The following PTPRG variants were observed in gnomAD, a reference collection of about 807,000 sequenced individuals.
The protein encoded by PTPRG is protein tyrosine phosphatase receptor type G, also known as receptor-type tyrosine-protein phosphatase gamma.
PTPRG carries 102 observed loss-of-function variants against 165.3 expected under a neutral mutation model. That is an observed-to-expected ratio of 0.62 (90% confidence interval 0.53 to 0.73). The LOEUF (loss-of-function observed/expected upper bound fraction) is 0.73, where lower values mean the gene tolerates loss of function less well. PTPRG is among the 30% of genes least tolerant of loss of function. The pLI, the probability that PTPRG is intolerant of heterozygous loss-of-function variation, is 0.00. For missense variants in PTPRG, 1,866 were observed against 1,861.4 expected, an observed-to-expected ratio of 1.00 and a Z score of -0.05; for synonymous variants, 675 against 669.5, an observed-to-expected ratio of 1.01 and a Z score of -0.13.
At chr3:61,670,976 G>T (rs546956616) in intron 1 of PTPRG, among the ~76,000 whole-genome samples, 1 of 152,108 alleles carries the variant, frequency 6.6e-6, no homozygotes, top group East Asian at 1.9e-4. Context: ...CCATGCTTAA[G>T]TTGGATTCGT....
At chr3:61,712,191 G>T (rs1559569138) in intron 1 of PTPRG, among the ~76,000 whole-genome samples, 1 of 152,042 alleles carries the variant, frequency 6.6e-6, no homozygotes, top group Non-Finnish European at 1.5e-5. Flanking sequence ...ACCGCGCCCG[G>T]CCTGTTATTA....
chr3:62,002,829 TG>T (rs756264640), intron 3 of PTPRG, among the ~76,000 whole-genome samples: 5 of 152,214 alleles, frequency 3.3e-5, no homozygotes, highest in African/African-American at 4.8e-5. Context: ...CACTTACTGT[TG>T]CCTTGATATT....
chr3:62,199,988 A>G (rs903517151), intron 10 of PTPRG, among the ~76,000 whole-genome samples: 6 of 152,240 alleles, frequency 3.9e-5, no homozygotes, highest in Non-Finnish European at 1.5e-5. Flanking sequence ...GCTAAGTAAA[A>G]TAAGTGAGAC....
chr3:61,682,560 C>G (rs1703487556), intron 1 of PTPRG, among the ~76,000 whole-genome samples: 1 of 152,164 alleles, frequency 6.6e-6, no homozygotes, highest in South Asian at 2.1e-4. Context: ...TAGGTCAGAA[C>G]TACTGGTTCA....
intron 1 of PTPRG, among the ~76,000 whole-genome samples, chr3:61,672,739 AGG>A (rs1703062031): frequency 1.4e-4 from 2 of 13,928 alleles, no homozygotes; most frequent in Non-Finnish European, 3.2e-4. Flanking sequence ...CTGTGGGGAG[AGG>A]GAGAGGGAGA....
At chr3:61,931,851 A>G (rs1051359371) in intron 2 of PTPRG, among the ~76,000 whole-genome samples, 1 of 152,134 alleles carries the variant, frequency 6.6e-6, no homozygotes, top group Non-Finnish European at 1.5e-5. Flanking sequence ...ACAAACTCTC[A>G]TGTTTAATAA....
At chr3:61,861,920 A>C (rs1341620172) in intron 2 of PTPRG, among the ~76,000 whole-genome samples, 1 of 152,162 alleles carries the variant, frequency 6.6e-6, no homozygotes, top group South Asian at 2.1e-4. Context: ...AAAGAACCTT[A>C]TGGGGGCAGA....
At position 62,113,503 on chromosome 3, in the gene PTPRG, A is replaced by G. The variant is rs572929088; in HGVS notation, c.616-19099A>G. Among the ~76,000 whole-genome samples the G allele has an allele frequency of 1.4e-3, 210 of 152,370 alleles. 1 individual carries two copies. The highest frequency in any genetic ancestry group is 2.5e-3 in the Non-Finnish European group (172 of 68,038). On this transcript the variant is annotated intron_variant, in intron 5 of 29. Transcript: ENST00000474889. Reference sequence around the variant, plus strand: ...ATCCAAATCGTAAAATACACATACCAAATTATATATAAAAATATGAAAATT... The same window carrying G: ...ATCCAAATCGTAAAATACACATACCGAATTATATATAAAAATATGAAAATT...
chr3:62,261,076 C>T (rs1701682521), intron 16 of PTPRG: 1 of 152,048 alleles, frequency 6.6e-6, no homozygotes, highest in African/African-American at 2.4e-5. Flanking sequence ...AACTTCAGTC[C>T]ATAGCTAGGG....
chr3:62,200,380 C>T (rs1700069931), intron 10 of PTPRG, among the ~76,000 whole-genome samples: 2 of 152,098 alleles, frequency 1.3e-5, no homozygotes, highest in South Asian at 2.1e-4. Flanking sequence ...AAGCGATTCT[C>T]CTGCCTCAGC....
At chr3:61,632,257 C>T (rs1332017927) in intron 1 of PTPRG, among the ~76,000 whole-genome samples, 1 of 152,176 alleles carries the variant, frequency 6.6e-6, no homozygotes, top group East Asian at 1.9e-4. Context: ...TGCAGTGAGC[C>T]GTGATTGTGC....
chr3:61,855,059 G>A (rs2037062665), intron 2 of PTPRG, among the ~76,000 whole-genome samples: 1 of 152,140 alleles, frequency 6.6e-6, no homozygotes, highest in African/African-American at 2.4e-5. Context: ...GCATCAGAAG[G>A]TGAACGCAGT....
Position 62,056,005 on chromosome 3 carries a change from C to G in PTPRG, c.520-22158C>G, listed in dbSNP as rs374741232. 9.2e-4 allele frequency among the ~76,000 whole-genome samples: 140 copies of G among 152,308 alleles called. No homozygotes were observed. In the Middle Eastern group the frequency reaches 0.054, roughly 59 times the overall value. ...CATAACATTGCCCAAGCTCACTCAGCTAGTAAGCAGTAGAGAGAATTCAAA... is the reference window on the plus strand; with the variant it reads ...CATAACATTGCCCAAGCTCACTCAGGTAGTAAGCAGTAGAGAGAATTCAAA... On this transcript the variant is annotated intron_variant, in intron 4 of 29. Transcript: ENST00000474889.
intron 2 of PTPRG, among the ~76,000 whole-genome samples, chr3:61,829,345 T>C (rs1208214636): frequency 1.3e-5 from 2 of 152,264 alleles, no homozygotes; most frequent in African/African-American, 2.4e-5. Context: ...ACGTGCACTC[T>C]GTTTGTTCAC....
chr3:62,030,859 A>G (rs144186321), intron 4 of PTPRG, among the ~76,000 whole-genome samples: 13 of 152,334 alleles, frequency 8.5e-5, no homozygotes, highest in African/African-American at 3.1e-4. Context: ...TGGGGCAGGA[A>G]CTTAGACTGA....
At chr3:61,630,282 T>C (rs912046453) in intron 1 of PTPRG, among the ~76,000 whole-genome samples, 2 of 152,268 alleles carry the variant, frequency 1.3e-5, no homozygotes, top group African/African-American at 2.4e-5. Flanking sequence ...GGTGTTGTCA[T>C]GAAATTCCTT....
intron 5 of PTPRG, among the ~76,000 whole-genome samples, chr3:62,090,355 C>A (rs1366568006): frequency 6.6e-6 from 1 of 151,964 alleles, no homozygotes. Flanking sequence ...TTAAACTGAA[C>A]CGATTATAGG....
rs1366630957 is a variant in PTPRG at position 62,003,414 on chromosome 3, G to A, written c.436G>A (p.Glu146Lys). The A allele has an allele frequency of 1.2e-6, 2 of 1,614,076 alleles. No homozygotes were observed. Among genetic ancestry groups the A allele is most frequent in the South Asian group, 1.1e-5 (1 of 91,076 alleles). Residue 146 changes from glutamate (E) to lysine (K), a missense_variant, in exon 4 of 30, where the codon GAG becomes AAG. Glu to Lys is a moderately conservative substitution (Grantham distance 56). Around this residue, in one of 3 missense-constraint regions of PTPRG, gnomAD observed 408 missense variants for 376.2 expected, o/e 1.08. Coordinates refer to ENST00000474889, the MANE Select transcript of PTPRG (RefSeq NM_002841.4). ...TGGTCTACCTGGCAGATTCAAAGCTGAGAAGGTGGAATTTCACTGGGGCCA... is the reference window on the plus strand; with the variant it reads ...TGGTCTACCTGGCAGATTCAAAGCTAAGAAGGTGGAATTTCACTGGGGCCA... ...GAGLPGRFKA[E>K]KVEFHWGHSN...
intron 1 of PTPRG, among the ~76,000 whole-genome samples, chr3:61,730,199 C>T (rs765531466): frequency 1.6e-4 from 25 of 152,206 alleles, no homozygotes; most frequent in Non-Finnish European, 3.1e-4. Context: ...GGGGCTTGTC[C>T]TGCTGGGCTG....
Sources: gnomAD v4.1 joint callset for allele counts (sites outside exome capture counted in the v4.1 genomes callset) on GRCh38, gnomAD v4.1.1 for gene constraint, gnomAD v4.1.1 regional missense constraint, MANE v1.5 for transcripts, NCBI Gene and HGNC (gene_info 2026-07-23, HGNC 2026-07-21) for gene names.